The following CNTNAP5 variants were observed in gnomAD, a reference collection of about 807,000 sequenced individuals.
CNTNAP5 encodes contactin associated protein family member 5, also known as contactin-associated protein-like 5.
CNTNAP5 carries 72 observed loss-of-function variants against 150.2 expected under a neutral mutation model. The ratio of observed to expected loss-of-function variants is 0.48; its 90% CI spans 0.40 to 0.58. The LOEUF (loss-of-function observed/expected upper bound fraction) is 0.58, where lower values mean the gene tolerates loss of function less well. Among genes scored for constraint, CNTNAP5 ranks in the 20% least tolerant of loss-of-function variants. The pLI is 0.00. For missense variants in CNTNAP5, 1,636 were observed against 1,626.2 expected (o/e 1.01, Z -0.10); for synonymous variants, 672 against 619.8 (o/e 1.08, Z -1.25).
intron 1 of CNTNAP5, among the ~76,000 whole-genome samples, chr2:124,157,986 A>G (rs1684584472): frequency 6.6e-6 from 1 of 152,232 alleles, no homozygotes; most frequent in Non-Finnish European, 1.5e-5. Flanking sequence ...TTGGACAGCC[A>G]TAACTCTGTT....
At chr2:124,190,868 T>A (rs896649917) in intron 1 of CNTNAP5, among the ~76,000 whole-genome samples, 1 of 152,248 alleles carries the variant, frequency 6.6e-6, no homozygotes, top group South Asian at 2.1e-4. Context: ...TTTTCTCAAC[T>A]TTTGTTTATA....
At chr2:124,706,863 A>G (rs370145030) in intron 13 of CNTNAP5, among the ~76,000 whole-genome samples, 5 of 126,842 alleles carry the variant, frequency 3.9e-5, no homozygotes, top group African/African-American at 6.3e-5. Context: ...GAGGAGAAGG[A>G]GAAGGGGAAA....
intron 3 of CNTNAP5, among the ~76,000 whole-genome samples, chr2:124,336,358 G>A (rs572743409): frequency 6.6e-6 from 1 of 152,180 alleles, no homozygotes; most frequent in African/African-American, 2.4e-5. Context: ...TTGTCCAAAT[G>A]TATAAAGCAG....
intron 1 of CNTNAP5, among the ~76,000 whole-genome samples, chr2:124,197,252 T>C (rs886883439): frequency 1.3e-5 from 2 of 152,192 alleles, no homozygotes; most frequent in African/African-American, 4.8e-5. Context: ...AGATCGCATA[T>C]CCTGTTGAAT....
In CNTNAP5 at chr2:124,477,286, T is replaced by C. The variant is rs1693663881; in HGVS notation, c.1062+2404T>C. Among the ~76,000 whole-genome samples, 3 of 152,124 alleles carry C rather than the reference T, an allele frequency of 2.0e-5. No individual in the cohort carries two copies. The South Asian group carries it at 6.2e-4, about 32-fold the overall frequency. On this transcript the variant is annotated intron_variant, in intron 7 of 23. Transcript: ENST00000682447. ...AAACTATGGCTTAAATGACTTTGTG[T>C]TTGTTTTATTCTTTGATAAATATAA...
intron 1 of CNTNAP5, among the ~76,000 whole-genome samples, chr2:124,050,168 G>A (rs553133181): frequency 3.3e-5 from 5 of 152,048 alleles, no homozygotes; most frequent in Non-Finnish European, 7.4e-5. Context: ...TTATTATTAA[G>A]AATAAAGAAA....
intron 1 of CNTNAP5, among the ~76,000 whole-genome samples, chr2:124,027,599 C>T (rs1680931976): frequency 2.0e-5 from 3 of 152,124 alleles, no homozygotes; most frequent in Non-Finnish European, 2.9e-5. Context: ...GCTCATAAAA[C>T]CTAAATGACA....
chr2:124,626,971 G>C (rs749381459), intron 12 of CNTNAP5, among the ~76,000 whole-genome samples: 4 of 152,188 alleles, frequency 2.6e-5, no homozygotes, highest in Non-Finnish European at 4.4e-5. Context: ...TGCAGCAAAG[G>C]AGCTGTGGCA....
intron 21 of CNTNAP5, among the ~76,000 whole-genome samples, chr2:124,876,310 G>C (rs1677859935): frequency 6.6e-6 from 1 of 152,008 alleles, no homozygotes; most frequent in African/African-American, 2.4e-5. Context: ...AGAGAGTGGA[G>C]ATAGTTCAGC....
intron 10 of CNTNAP5, among the ~76,000 whole-genome samples, chr2:124,552,793 A>G (rs1344194440): frequency 2.6e-5 from 4 of 152,162 alleles, no homozygotes; most frequent in Admixed American, 2.6e-4. Flanking sequence ...GATGGTACTT[A>G]TATTCCCACC....
intron 1 of CNTNAP5, among the ~76,000 whole-genome samples, chr2:124,204,754 G>A (rs982527449): frequency 2.0e-5 from 3 of 152,080 alleles, no homozygotes; most frequent in Non-Finnish European, 2.9e-5. Context: ...TATCATGAGA[G>A]CAGCACAGGA....
chr2:124,245,581 CTGTGTG>C (rs35056317), intron 3 of CNTNAP5, among the ~76,000 whole-genome samples: 7 of 148,150 alleles, frequency 4.7e-5, no homozygotes, highest in Non-Finnish European at 7.5e-5. Flanking sequence ...ACATATATAT[CTGTGTG>C]TGTGTGTGTG....
At chr2:124,164,111 A>C (rs564388279) in intron 1 of CNTNAP5, among the ~76,000 whole-genome samples, 26 of 152,320 alleles carry the variant, frequency 1.7e-4, no homozygotes, top group South Asian at 4.1e-4. Flanking sequence ...GAGAATGTAC[A>C]TGCACTTTTG....
intron 19 of CNTNAP5, among the ~76,000 whole-genome samples, chr2:124,841,193 C>T (rs1395623000): frequency 2.0e-5 from 3 of 151,960 alleles, no homozygotes; most frequent in Non-Finnish European, 4.4e-5. Flanking sequence ...AAATTACCCC[C>T]ATAAATAACA....
At chr2:124,145,837 A>AG (rs1558773990) in intron 1 of CNTNAP5, among the ~76,000 whole-genome samples, 20 of 46,930 alleles carry the variant, frequency 4.3e-4, no homozygotes, top group African/African-American at 4.7e-4. Context: ...AAGAAGAAAA[A>AG]AAAAAAAAAT....
intron 1 of CNTNAP5, among the ~76,000 whole-genome samples, chr2:124,188,105 A>G (rs1263221743): frequency 1.3e-5 from 2 of 152,202 alleles, no homozygotes; most frequent in African/African-American, 2.4e-5. Context: ...GAGGAAAGGC[A>G]AGAAATGGCT....
intron 22 of CNTNAP5, among the ~76,000 whole-genome samples, chr2:124,909,351 T>C (rs1678606295): frequency 2.0e-5 from 3 of 152,174 alleles, no homozygotes; most frequent in Admixed American, 1.3e-4. Flanking sequence ...CTGGGGGCAA[T>C]AGTCTATACT....
At chr2:124,169,237 G>A (rs888352830) in intron 1 of CNTNAP5, among the ~76,000 whole-genome samples, 1 of 152,094 alleles carries the variant, frequency 6.6e-6, no homozygotes, top group Non-Finnish European at 1.5e-5. Flanking sequence ...CTCTTGTGGT[G>A]GCATTGGGGT....
At chr2:124,823,611 G>C (rs1408460103) in intron 19 of CNTNAP5, among the ~76,000 whole-genome samples, 2 of 152,070 alleles carry the variant, frequency 1.3e-5, no homozygotes, top group Admixed American at 1.3e-4. Context: ...TTGTTCTTTG[G>C]TGCCCTTATC....
Sources: allele counts gnomAD v4.1 joint callset (sites outside exome capture counted in the v4.1 genomes callset), GRCh38; gene constraint gnomAD v4.1.1; transcripts MANE v1.5; gene names NCBI Gene and HGNC (gene_info 2026-07-23, HGNC 2026-07-21).